The following SFMBT2 variants were observed in gnomAD, a reference collection of about 807,000 sequenced individuals.
SFMBT2 encodes the protein scm-like with four MBT domains protein 2.
SFMBT2 carries 38 observed loss-of-function variants against 110.1 expected under a neutral mutation model. The ratio of observed to expected loss-of-function variants is 0.35; its 90% confidence interval spans 0.27 to 0.45. SFMBT2 has a LOEUF of 0.45. Ranked by LOEUF, SFMBT2 falls within the 20% of genes least tolerant of loss-of-function variation. The pLI is 1.00. For synonymous variants in SFMBT2, 425 were observed against 425.4 expected (o/e 1.00, Z 0.01); for missense variants, 1,011 against 1,094.9 (o/e 0.92, Z 1.08).
chr10:7,237,347 A>G (rs1357917122), intron 9 of SFMBT2, among the ~76,000 whole-genome samples: 1 of 152,276 alleles, frequency 6.6e-6, no homozygotes, highest in African/African-American at 2.4e-5. Flanking sequence ...TGAATAAACA[A>G]TCTACATGCC....
chr10:7,345,490 C>G (rs1020893744), intron 4 of SFMBT2, among the ~76,000 whole-genome samples: 1 of 152,152 alleles, frequency 6.6e-6, no homozygotes, highest in Non-Finnish European at 1.5e-5. Context: ...TCCCAAGTAG[C>G]TGGGATTACA....
intron 7 of SFMBT2, among the ~76,000 whole-genome samples, chr10:7,264,795 C>T (rs1026938703): frequency 6.6e-6 from 1 of 152,066 alleles, no homozygotes; most frequent in Non-Finnish European, 1.5e-5. Context: ...CAACCGTATC[C>T]CCAGACCACA....
At chr10:7,234,306 T>C (rs1188447476) in intron 9 of SFMBT2, among the ~76,000 whole-genome samples, 2 of 152,190 alleles carry the variant, frequency 1.3e-5, no homozygotes, top group African/African-American at 4.8e-5. Context: ...TTTAAAACAT[T>C]ATGTTGAGAA....
chr10:7,295,803 C>G (rs1842392254), intron 4 of SFMBT2, among the ~76,000 whole-genome samples: 1 of 152,134 alleles, frequency 6.6e-6, no homozygotes, highest in African/African-American at 2.4e-5. Context: ...TTCTGGAGTT[C>G]TCTGCTGTAT....
intron 16 of SFMBT2, among the ~76,000 whole-genome samples, chr10:7,179,087 T>A (rs2762618): frequency 0.97 from 147,141 of 152,222 alleles, 71,298 homozygotes; most frequent in East Asian, 1. Flanking sequence ...CTTGTACTTT[T>A]TATCTGCATA....
chr10:7,239,879 T>TG, intron 9 of SFMBT2, among the ~76,000 whole-genome samples: 1 of 147,070 alleles, frequency 6.8e-6, no homozygotes, highest in South Asian at 2.1e-4. Flanking sequence ...ATCTTAAGTC[T>TG]GGGGTTTTTA....
intron 16 of SFMBT2, among the ~76,000 whole-genome samples, chr10:7,184,042 T>C (rs530373981): frequency 2.3e-4 from 35 of 152,318 alleles, no homozygotes; most frequent in African/African-American, 7.7e-4. Flanking sequence ...CTCACTGATA[T>C]CAATATATGT....
At chr10:7,256,595 A>T (rs1056416650) in intron 7 of SFMBT2, among the ~76,000 whole-genome samples, 11 of 152,252 alleles carry the variant, frequency 7.2e-5, no homozygotes, top group African/African-American at 2.7e-4. Context: ...AGCAATGAAG[A>T]TTTAGGAAAT....
chr10:7,189,074 C>G (rs1838513103), intron 15 of SFMBT2: 2 of 799,366 alleles, frequency 2.5e-6, no homozygotes, highest in African/African-American at 3.7e-5. Context: ...CAGGATTACT[C>G]TTCAGTTGGA....
At position 7,226,879 on chromosome 10, in the gene SFMBT2, T is replaced by C. The variant is rs544827247; in HGVS notation, c.1203+976A>G. ...ATGAATCTCAGAGCTGTATGTAGTA[T>C]AGGCTATACCATCTAGGCCTGTGTA... On this transcript the variant is annotated intron_variant, in intron 10 of 20. Coordinates refer to ENST00000397167, the MANE Select transcript of SFMBT2 (RefSeq NM_001387889.1). 1.1e-4 allele frequency among the ~76,000 whole-genome samples: 16 copies of C among 152,306 alleles called. 1 individual carries two copies. The highest frequency in any genetic ancestry group is 3.4e-4 in the African/African-American group (14 of 41,568).
intron 11 of SFMBT2, among the ~76,000 whole-genome samples, chr10:7,219,273 C>T (rs1488282341): frequency 2.6e-5 from 4 of 152,170 alleles, no homozygotes; most frequent in Admixed American, 2.0e-4. Flanking sequence ...TCGTGAATTC[C>T]AGAAAGAGGC....
rs1837510967 is a variant in SFMBT2 at position 7,160,123 on chromosome 10, C to T, written c.*3647G>A. The T allele has an allele frequency of 6.6e-6, 1 of 152,200 alleles. No individual in the cohort carries two copies. The highest frequency in any genetic ancestry group is 2.4e-5 in the African/African-American group (1 of 41,448). The allele number at this position is 152,200 out of a possible 1,614,324, so 9.4% of individuals were successfully genotyped here. A position where few individuals can be genotyped will look rare whatever the true frequency, so the allele number is the denominator to read the frequency against. On this transcript the variant is annotated 3_prime_UTR_variant, in exon 21 of 21. Transcript: ENST00000397167. ...AAGCCGTGCAGCTCAAATACTGTGT[C>T]TGACTCCAACTTGGATCAAATGACT...
Position 7,406,783 on chromosome 10 carries a change from C to CCAAT in SFMBT2, c.-52+4074_-52+4077dup, listed in dbSNP as rs1846223077. ...GTTTGAGGTTCAGGATGGATGTATCCCAATGGGAAATGGGAAACAGTTCCC... is the reference window on the plus strand; with the variant it reads ...GTTTGAGGTTCAGGATGGATGTATCCCAATCAATGGGAAATGGGAAACAGTTCCC... On this transcript the variant is annotated intron_variant, in intron 1 of 20. Coordinates refer to ENST00000397167, the MANE Select transcript of SFMBT2 (RefSeq NM_001387889.1). Among the ~76,000 whole-genome samples the CCAAT allele has an allele frequency of 2.0e-5, 3 of 152,300 alleles. No homozygotes were observed. In the South Asian group the frequency reaches 6.2e-4, roughly 32 times the overall value.
chr10:7,198,853 C>T (rs779243657), intron 14 of SFMBT2, among the ~76,000 whole-genome samples: 3 of 152,044 alleles, frequency 2.0e-5, no homozygotes, highest in Admixed American at 1.3e-4. Flanking sequence ...TCAGCCTGGC[C>T]AACATGGTGA....
chr10:7,172,556 G>C lies in SFMBT2; in HGVS notation c.2090C>G (p.Ser697Cys), dbSNP rs781391736. ...CCTCCGTTTCTTCTGCACGAAAATG[G>C]ATTTCCGTCGCTTCCTCCGCCTGGC... ...KPARRRKRRK[S>C]IFVQKKRRSS... The change falls in exon 18 of 21, where the codon TCC becomes TGC. Residue 697 changes from serine to cysteine, a missense_variant. Around this residue, in one of 2 missense-constraint regions of SFMBT2, gnomAD observed 979 missense variants for 1,016.1 expected, o/e 0.96. Transcript: ENST00000397167. The surrounding 1 kb of genome is among the most constrained non-coding windows in gnomAD (Gnocchi z 4.6). The C allele has an allele frequency of 6.2e-7, 1 of 1,614,232 alleles. No individual in the cohort carries two copies. Among genetic ancestry groups the C allele is most frequent in the Non-Finnish European group, 8.5e-7 (1 of 1,180,038 alleles).
Position 7,286,919 on chromosome 10 carries a change from A to T in SFMBT2, c.437-965T>A, listed in dbSNP as rs537149723. Among the ~76,000 whole-genome samples, 5 of 152,296 alleles carry T rather than the reference A, an allele frequency of 3.3e-5. No individual in the cohort carries two copies. The East Asian group carries it at 9.7e-4, about 29-fold the overall frequency. On this transcript the variant is annotated intron_variant, in intron 4 of 20. Coordinates refer to ENST00000397167, the MANE Select transcript of SFMBT2 (RefSeq NM_001387889.1). ...CGCTTAACAAATGGGACATCTCTGT[A>T]TAAAATGAATCTGGCAACAGTATAA...
chr10:7,323,395 G>T (rs1488160308), intron 4 of SFMBT2, among the ~76,000 whole-genome samples: 1 of 136,726 alleles, frequency 7.3e-6, no homozygotes, highest in African/African-American at 2.8e-5. Context: ...AGGTTGCAGT[G>T]AGCCAAGATC....
intron 15 of SFMBT2, among the ~76,000 whole-genome samples, chr10:7,195,415 T>C (rs1838736874): frequency 6.6e-6 from 1 of 152,228 alleles, no homozygotes; most frequent in South Asian, 2.1e-4. Flanking sequence ...ATATGGAATC[T>C]ACTTGCCACT....
chr10:7,400,496 C>T (rs557617891), intron 1 of SFMBT2, among the ~76,000 whole-genome samples: 2 of 152,134 alleles, frequency 1.3e-5, no homozygotes, highest in Admixed American at 6.6e-5. Flanking sequence ...GAGAAAAAAA[C>T]GCCAAATTAC....
Sources: allele counts gnomAD v4.1 joint callset (sites outside exome capture counted in the v4.1 genomes callset), GRCh38; gene constraint gnomAD v4.1.1; regional missense constraint gnomAD v4.1.1; non-coding constraint Gnocchi (gnomAD v3.1); transcripts MANE v1.5; gene names NCBI Gene and HGNC (gene_info 2026-07-23, HGNC 2026-07-21).